Variants in EVA1A observed in about 807,000 individuals in gnomAD.
The protein encoded by EVA1A is protein eva-1 homolog A.
In EVA1A, 7 loss-of-function variants were observed where a neutral mutation model predicts 9.8. The observed-to-expected ratio is 0.71, with a 90% CI of 0.41 to 1.34. EVA1A has a LOEUF of 1.34. Ranked by LOEUF, EVA1A falls within the 40% of genes most tolerant of loss-of-function variation. EVA1A has a pLI of 0.01. For missense variants in EVA1A, 206 were observed against 205.9 expected (o/e 1.00, Z 0.00); for synonymous variants, 90 against 85.6 (o/e 1.05, Z -0.28).
intron 1 of EVA1A, among the ~76,000 whole-genome samples, chr2:75,555,304 T>TCTCTCC (rs763080978): frequency 0.022 from 2,660 of 119,886 alleles, 45 homozygotes; most frequent in Non-Finnish European, 0.037. Context: ...AAACTCAATC[T>TCTCTCC]CTCTCTCTCT....
At chr2:75,552,922 GA>G (rs1449639073) in intron 1 of EVA1A, among the ~76,000 whole-genome samples, 1 of 152,160 alleles carries the variant, frequency 6.6e-6, no homozygotes, top group African/African-American at 2.4e-5. Context: ...TCTATTGCCA[GA>G]ACAGTATTAG....
At chr2:75,535,130 AT>A (rs1452529628) in intron 1 of EVA1A, among the ~76,000 whole-genome samples, 1 of 152,156 alleles carries the variant, frequency 6.6e-6, no homozygotes, top group Non-Finnish European at 1.5e-5. Context: ...ATAAATAGAA[AT>A]TTCTCAAAAG....
At chr2:75,546,003 G>A (rs973686407) in intron 1 of EVA1A, among the ~76,000 whole-genome samples, 5 of 152,176 alleles carry the variant, frequency 3.3e-5, no homozygotes, top group Non-Finnish European at 5.9e-5. Context: ...TTGAGAGAGA[G>A]AATTGTATAG....
At chr2:75,559,716 T>TGGGGG (rs1676853212) in intron 1 of EVA1A, among the ~76,000 whole-genome samples, 1 of 78,320 alleles carries the variant, frequency 1.3e-5, no homozygotes. Context: ...GGCGGGGGAG[T>TGGGGG]TGGGGGGACG....
chr2:75,551,242 G>A (rs1676512320), intron 1 of EVA1A, among the ~76,000 whole-genome samples: 1 of 152,078 alleles, frequency 6.6e-6, no homozygotes, highest in Non-Finnish European at 1.5e-5. Context: ...TACTTTCATA[G>A]ACAAGCCTCT....
intron 1 of EVA1A, among the ~76,000 whole-genome samples, chr2:75,545,106 C>A (rs1676282208): frequency 6.6e-6 from 1 of 152,016 alleles, no homozygotes; most frequent in Admixed American, 6.6e-5. Context: ...ATTAATATTC[C>A]ACATAAGATT....
At chr2:75,534,806 G>C (rs1675816412) in intron 1 of EVA1A, among the ~76,000 whole-genome samples, 1 of 152,054 alleles carries the variant, frequency 6.6e-6, no homozygotes, top group South Asian at 2.1e-4. Flanking sequence ...TGGGGTCTTA[G>C]TCACAAATTC....
At chr2:75,508,245 A>T (rs895366595) in intron 3 of EVA1A, among the ~76,000 whole-genome samples, 3 of 152,236 alleles carry the variant, frequency 2.0e-5, no homozygotes, top group African/African-American at 7.2e-5. Flanking sequence ...TGTTCAGGGA[A>T]TAAGAGAGAT....
chr2:75,554,955 G>C (rs879815219), intron 1 of EVA1A, among the ~76,000 whole-genome samples: 17 of 152,174 alleles, frequency 1.1e-4, no homozygotes, highest in Non-Finnish European at 1.5e-4. Context: ...CAGACCATGA[G>C]CATCTTGAGG....
chr2:75,551,943 G>A (rs1676537977), intron 1 of EVA1A, among the ~76,000 whole-genome samples: 1 of 152,162 alleles, frequency 6.6e-6, no homozygotes, highest in South Asian at 2.1e-4. Flanking sequence ...CACTTTGGGG[G>A]ACTGAGGCAG....
chr2:75,524,423 C>T (rs1355679890), intron 1 of EVA1A, among the ~76,000 whole-genome samples: 1 of 151,948 alleles, frequency 6.6e-6, no homozygotes, highest in Non-Finnish European at 1.5e-5. Context: ...CTACATGCTG[C>T]TCTCACCAGG....
intron 3 of EVA1A, among the ~76,000 whole-genome samples, chr2:75,512,959 C>T (rs1674869889): frequency 6.6e-6 from 1 of 152,118 alleles, no homozygotes; most frequent in Non-Finnish European, 1.5e-5. Flanking sequence ...TCCAGCCTCC[C>T]TTGCAGCTAG....
At chr2:75,501,234 A>AT (rs1448167150) in intron 3 of EVA1A, among the ~76,000 whole-genome samples, 1 of 151,994 alleles carries the variant, frequency 6.6e-6, no homozygotes, top group African/African-American at 2.4e-5. Flanking sequence ...CCCTTAGTGA[A>AT]TTTTTTCCAA....
intron 3 of EVA1A, among the ~76,000 whole-genome samples, chr2:75,507,839 A>G (rs1486669265): frequency 2.0e-5 from 3 of 152,224 alleles, no homozygotes; most frequent in Admixed American, 6.5e-5. Context: ...CAGCCCTCCC[A>G]GTAAGTGTTC....
At chr2:75,539,537 A>G (rs1470130917) in intron 1 of EVA1A, among the ~76,000 whole-genome samples, 1 of 152,224 alleles carries the variant, frequency 6.6e-6, no homozygotes. Flanking sequence ...ACACTGCTTC[A>G]GTATTTGCAG....
rs540202676 is a variant in EVA1A, at chr2:75,534,759, A to G, written c.-191-12272T>C. ...TTTTCTGCAGAAGCCTTTTAGTTTA[A>G]TTGGATTCCATTTATTTCTTTTGTT... On this transcript the variant is annotated intron_variant, in intron 1 of 3. Transcript: ENST00000393913. Among the ~76,000 whole-genome samples the G allele has an allele frequency of 2.1e-4, 32 of 152,224 alleles. 1 individual carries two copies. The South Asian group carries it at 6.0e-3, about 29-fold the overall frequency.
intron 1 of EVA1A, among the ~76,000 whole-genome samples, chr2:75,555,154 C>T (rs1676659809): frequency 6.6e-6 from 1 of 152,282 alleles, no homozygotes; most frequent in African/African-American, 2.4e-5. Flanking sequence ...GAGCTCAGTG[C>T]AATCAGCACA....
chr2:75,513,655 T>C (rs1274181234), intron 3 of EVA1A, among the ~76,000 whole-genome samples: 1 of 152,206 alleles, frequency 6.6e-6, no homozygotes, highest in Non-Finnish European at 1.5e-5. Flanking sequence ...AATGGATGAA[T>C]AGATTTTAAA....
chr2:75,544,921 T>C (rs1676274270), intron 1 of EVA1A, among the ~76,000 whole-genome samples: 1 of 152,244 alleles, frequency 6.6e-6, no homozygotes. Context: ...GTACAGTCAA[T>C]ATAAAATACA....
Sources: gnomAD v4.1 joint callset for allele counts (sites outside exome capture counted in the v4.1 genomes callset) on GRCh38, gnomAD v4.1.1 for gene constraint, MANE v1.5 for transcripts, NCBI Gene and HGNC (gene_info 2026-07-23, HGNC 2026-07-21) for gene names.